The following PCM1 variants were observed in gnomAD, a reference collection of about 807,000 sequenced individuals.
PCM1 encodes the protein pericentriolar material 1 protein.
A neutral mutation model predicts 241.9 loss-of-function variants in PCM1; 157 were observed. The observed-to-expected ratio is 0.65, with a 90% CI of 0.57 to 0.74. PCM1 has a LOEUF of 0.74. Ranked by LOEUF, PCM1 falls within the 30% of genes least tolerant of loss-of-function variation. PCM1 has a pLI of 0.00. For synonymous variants in PCM1, 1,085 were observed against 784.9 expected (o/e 1.38, Z -6.39); for missense variants, 3,478 against 2,360.1 (o/e 1.47, Z -9.81).
intron 2 of PCM1, among the ~76,000 whole-genome samples, chr8:17,928,575 T>A: frequency 6.6e-6 from 1 of 151,804 alleles, no homozygotes; most frequent in Non-Finnish European, 1.5e-5. Context: ...CACATGCTAG[T>A]TGCTTATCTC....
intron 6 of PCM1, among the ~76,000 whole-genome samples, chr8:17,943,580 C>T (rs933154672): frequency 6.6e-6 from 1 of 152,050 alleles, no homozygotes. Flanking sequence ...TTTTAGGTTT[C>T]TTTGAATAAT....
At chr8:17,931,649 A>C (rs1335173613) in intron 2 of PCM1, among the ~76,000 whole-genome samples, 1 of 152,212 alleles carries the variant, frequency 6.6e-6, no homozygotes, top group Non-Finnish European at 1.5e-5. Flanking sequence ...ATATGTAATA[A>C]TTTTGACTTA....
chr8:18,007,147 T>A (rs1315239362), intron 30 of PCM1, among the ~76,000 whole-genome samples: 2 of 152,242 alleles, frequency 1.3e-5, no homozygotes, highest in African/African-American at 4.8e-5. Flanking sequence ...TGTTTTTCCA[T>A]TGAGATAGTT....
chr8:17,952,383 G>A (rs763892441), intron 8 of PCM1, among the ~76,000 whole-genome samples: 1 of 152,040 alleles, frequency 6.6e-6, no homozygotes, highest in Non-Finnish European at 1.5e-5. Context: ...TTTATGTAAC[G>A]TGGCATTGTT....
At chr8:18,018,652 A>T (rs1046443747) in intron 36 of PCM1, among the ~76,000 whole-genome samples, 1 of 151,658 alleles carries the variant, frequency 6.6e-6, no homozygotes, top group African/African-American at 2.4e-5. Context: ...CTCTACTGAA[A>T]ATATAAAAAT....
intron 6 of PCM1, among the ~76,000 whole-genome samples, chr8:17,941,526 GTTTT>G (rs918120419): frequency 1.4e-5 from 2 of 142,466 alleles, no homozygotes; most frequent in East Asian, 4.2e-4. Context: ...ATTGATTTTT[GTTTT>G]TTTTTTTTTT....
chr8:17,999,698 A>G (rs1323190646), intron 29 of PCM1, among the ~76,000 whole-genome samples: 1 of 152,152 alleles, frequency 6.6e-6, no homozygotes, highest in Non-Finnish European at 1.5e-5. Flanking sequence ...TACAAAGTTA[A>G]AAGCAGGTAC....
At chr8:18,019,838 TGTAGA>T (rs1393570647) in intron 36 of PCM1, among the ~76,000 whole-genome samples, 6 of 152,166 alleles carry the variant, frequency 3.9e-5, no homozygotes, top group African/African-American at 9.7e-5. Context: ...AGATCCCTGC[TGTAGA>T]GTAAAGGTCC....
At chr8:17,960,584 G>C (rs1387995690) in intron 15 of PCM1, 140 bp downstream of exon 15, 1 of 582,900 alleles carries the variant, frequency 1.7e-6, no homozygotes, top group Non-Finnish European at 2.8e-6. Context: ...AAGTGCAGTG[G>C]CGTGATCTTG....
chr8:17,942,207 T>G (rs2062293014), intron 6 of PCM1, among the ~76,000 whole-genome samples: 1 of 152,168 alleles, frequency 6.6e-6, no homozygotes, highest in Admixed American at 6.5e-5. Flanking sequence ...GGGCCAGGCG[T>G]GGTAATTCTA....
In PCM1 at chr8:17,939,800, A is replaced by C; in HGVS notation, c.722A>C (p.His241Pro). Residue 241 changes from histidine to proline, a missense_variant, in exon 6 of 39, where the codon CAT becomes CCT. Physicochemically the swap from His to Pro is moderately conservative, Grantham distance 77 (BLOSUM62 -2). Coordinates refer to ENST00000325083, the MANE Select transcript of PCM1 (RefSeq NM_006197.4). ...TCTGCTAATGTTGAGCGCCTTACTC[A>C]TCTAATAGATCACCTTAAAGAACAA... ...ERSANVERLT[H>P]LIDHLKEQEK... 1 of 1,541,622 alleles carries C rather than the reference A, an allele frequency of 6.5e-7. No homozygotes were observed. The highest frequency in any genetic ancestry group is 8.8e-7 in the Non-Finnish European group (1 of 1,134,538).
intron 36 of PCM1, chr8:18,015,665 T>TA (rs2093089281): frequency 6.6e-6 from 1 of 152,178 alleles, no homozygotes; most frequent in Admixed American, 6.5e-5. Flanking sequence ...AATTGCTTCT[T>TA]ACTCAAATAA....
At chr8:17,946,620 C>G (rs981201459) in intron 6 of PCM1, among the ~76,000 whole-genome samples, 1 of 152,072 alleles carries the variant, frequency 6.6e-6, no homozygotes, top group African/African-American at 2.4e-5. Context: ...CCTCAGCCTC[C>G]TGAGTAGCTG....
chr8:17,977,185 A>T (rs2079066611), intron 23 of PCM1, among the ~76,000 whole-genome samples: 1 of 152,204 alleles, frequency 6.6e-6, no homozygotes, highest in South Asian at 2.1e-4. Flanking sequence ...ACTACCAGTC[A>T]TGTCATTTTA....
chr8:18,009,140 T>A (rs378443), intron 30 of PCM1, among the ~76,000 whole-genome samples: 118,021 of 150,452 alleles, frequency 0.78, 46,910 homozygotes, highest in African/African-American at 0.87. Context: ...TAAGTAAAGG[T>A]GGAAGCTTTA....
intron 6 of PCM1, among the ~76,000 whole-genome samples, chr8:17,941,084 C>T (rs1020893804): frequency 1.3e-5 from 2 of 152,150 alleles, no homozygotes; most frequent in African/African-American, 4.8e-5. Flanking sequence ...CTTTTCTCTA[C>T]ATTATTTTCA....
intron 38 of PCM1, among the ~76,000 whole-genome samples, chr8:18,026,230 T>A (rs1588878084): frequency 1.8e-5 from 2 of 112,150 alleles, no homozygotes; most frequent in African/African-American, 3.5e-5. Flanking sequence ...TTAAGAAAGG[T>A]ACAAAAATAT....
chr8:18,011,415 T>G, intron 33 of PCM1, 49 bp downstream of exon 33: 1 of 1,422,800 alleles, frequency 7.0e-7, no homozygotes, highest in Non-Finnish European at 9.3e-7. Flanking sequence ...TTTTTGTAGG[T>G]CATTTATTGG....
chr8:17,957,750 T>C lies in PCM1; in HGVS notation c.2015T>C (p.Leu672Ser), dbSNP rs371815893. 4 of 1,612,888 alleles carry C rather than the reference T, an allele frequency of 2.5e-6. No homozygotes were observed. The African/African-American group carries it at 5.3e-5, about 22-fold the overall frequency. Reference sequence around the variant, plus strand: ...GCTGCAAAACAGAAACTTAGACAGTTACAAGATCTTGTTGCTATGGTACAG... The same window carrying C: ...GCTGCAAAACAGAAACTTAGACAGTCACAAGATCTTGTTGCTATGGTACAG... Reference protein sequence around the residue: ...LMAAKQKLRQLQDLVAMVQDD... With the variant: ...LMAAKQKLRQSQDLVAMVQDD... Residue 672 changes from leucine to serine, a missense_variant, in exon 13 of 39, where the codon TTA (leucine) becomes TCA (serine). Transcript: ENST00000325083.
Sources: allele counts gnomAD v4.1 joint callset (sites outside exome capture counted in the v4.1 genomes callset), GRCh38; gene constraint gnomAD v4.1.1; transcripts MANE v1.5; gene names NCBI Gene and HGNC (gene_info 2026-07-23, HGNC 2026-07-21).